The following SKAP2 variants were observed in gnomAD, a reference collection of about 807,000 sequenced individuals.
SKAP2 encodes the protein src kinase-associated phosphoprotein 2.
A neutral mutation model predicts 54.9 loss-of-function variants in SKAP2; 28 were observed. That is an observed-to-expected ratio of 0.51 (90% CI 0.38 to 0.70). The LOEUF is 0.70. Among genes scored for constraint, SKAP2 ranks in the 30% least tolerant of loss-of-function variants. The pLI, the probability that SKAP2 is intolerant of heterozygous loss-of-function variation, is 0.00. For missense variants in SKAP2, 356 were observed against 424.1 expected, an observed-to-expected ratio of 0.84 and a Z score of 1.41; for synonymous variants, 137 against 134.3, an observed-to-expected ratio of 1.02 and a Z score of -0.14.
the SKAP2 span, among the ~76,000 whole-genome samples, chr7:26,655,745 C>T: frequency 6.6e-6 from 1 of 152,162 alleles, no homozygotes; most frequent in Non-Finnish European, 1.5e-5. Flanking sequence ...TGCAATAAAA[C>T]GTAGAGCATG....
At chr7:26,791,349 AT>A (rs910571631) in intron 4 of SKAP2, among the ~76,000 whole-genome samples, 9 of 149,834 alleles carry the variant, frequency 6.0e-5, no homozygotes, top group African/African-American at 2.2e-4. Context: ...AATTTTTTCT[AT>A]TTTTTTTTAA....
intron 4 of SKAP2, among the ~76,000 whole-genome samples, chr7:26,803,622 ATG>A (rs1783960421): frequency 6.6e-6 from 1 of 152,224 alleles, no homozygotes. Context: ...TGCTGGATAT[ATG>A]CCCAAAAGAA....
intron 6 of SKAP2, among the ~76,000 whole-genome samples, chr7:26,730,071 T>A (rs991333741): frequency 1.3e-5 from 2 of 152,106 alleles, no homozygotes; most frequent in African/African-American, 4.8e-5. Flanking sequence ...ACCATAACCA[T>A]GAAGTAGCCA....
chr7:26,743,350 CG>C (rs576675887), intron 4 of SKAP2, among the ~76,000 whole-genome samples: 106 of 152,164 alleles, frequency 7.0e-4, no homozygotes, highest in African/African-American at 2.5e-3. Context: ...CTAATGTAAA[CG>C]TAAGACTATG....
chr7:26,704,846 C>A (rs1787123226), intron 9 of SKAP2, among the ~76,000 whole-genome samples: 2 of 152,206 alleles, frequency 1.3e-5, no homozygotes, highest in African/African-American at 2.4e-5. Context: ...AAAACCAACA[C>A]ACTTGCTCAG....
intron 4 of SKAP2, among the ~76,000 whole-genome samples, chr7:26,820,845 C>G (rs146514849): frequency 6.6e-6 from 1 of 152,096 alleles, no homozygotes; most frequent in Non-Finnish European, 1.5e-5. Flanking sequence ...AAAATCAAGT[C>G]AATTATTCCA....
At chr7:26,678,011 G>A (rs1193757363) in intron 11 of SKAP2, among the ~76,000 whole-genome samples, 2 of 152,190 alleles carry the variant, frequency 1.3e-5, no homozygotes, top group African/African-American at 2.4e-5. Context: ...AAAGTAGAAA[G>A]AGAAAAGGCT....
intron 3 of SKAP2, among the ~76,000 whole-genome samples, chr7:26,847,312 C>T (rs1384205777): frequency 6.6e-6 from 1 of 151,962 alleles, no homozygotes; most frequent in Non-Finnish European, 1.5e-5. Context: ...TTCATCTTAC[C>T]ATTGTTCCAG....
downstream of SKAP2, among the ~76,000 whole-genome samples, chr7:26,663,128 T>C (rs1045709075): frequency 6.6e-6 from 1 of 152,106 alleles, no homozygotes; most frequent in African/African-American, 2.4e-5. Flanking sequence ...ATGTTCTGAA[T>C]AGTAGGCATG....
intron 11 of SKAP2, among the ~76,000 whole-genome samples, chr7:26,680,923 A>G (rs762082911): frequency 6.6e-6 from 1 of 152,034 alleles, no homozygotes; most frequent in Non-Finnish European, 1.5e-5. Context: ...GATTTGCACC[A>G]GAAGAAAAAA....
In SKAP2 at chr7:26,777,687, A is replaced by G. The variant is rs1006210148; in HGVS notation, c.308-37723T>C. Reference sequence around the variant, plus strand: ...CAGCTGCTCCTTGTTTTACATACATAAACAGAAGAATACCAAATAATGATG... The same window carrying G: ...CAGCTGCTCCTTGTTTTACATACATGAACAGAAGAATACCAAATAATGATG... On this transcript the variant is annotated intron_variant, in intron 4 of 12. Coordinates refer to ENST00000345317, the MANE Select transcript of SKAP2 (RefSeq NM_003930.5). 5.3e-5 allele frequency among the ~76,000 whole-genome samples: 8 copies of G among 152,278 alleles called. No individual in the cohort carries two copies. The South Asian group carries it at 8.3e-4, about 16-fold the overall frequency.
At chr7:26,770,921 T>TAC (rs1783175715) in intron 4 of SKAP2, among the ~76,000 whole-genome samples, 1 of 152,112 alleles carries the variant, frequency 6.6e-6, no homozygotes, top group African/African-American at 2.4e-5. Context: ...CTGGGAATCC[T>TAC]ACTACATAAC....
Position 26,781,756 on chromosome 7 carries a change from C to T in SKAP2, c.308-41792G>A, listed in dbSNP as rs576616967. ...TCTGACCTCCTAAGGATTGCCATCA[C>T]TTCTGTCTTGGTTAGCACCTCCACC... On this transcript the variant is annotated intron_variant, in intron 4 of 12. Coordinates refer to ENST00000345317, the MANE Select transcript of SKAP2 (RefSeq NM_003930.5). Among the ~76,000 whole-genome samples, 643 of 152,312 alleles carry T rather than the reference C, an allele frequency of 4.2e-3. 1 individual carries two copies. Among genetic ancestry groups the T allele is most frequent in the Non-Finnish European group, 6.1e-3 (417 of 68,020 alleles).
intron 3 of SKAP2, among the ~76,000 whole-genome samples, chr7:26,850,826 C>T (rs1301441271): frequency 1.3e-5 from 2 of 151,944 alleles, no homozygotes; most frequent in East Asian, 1.9e-4. Context: ...TATTCTAAAG[C>T]GGCAATTTGT....
intron 2 of SKAP2, 112 bp from the exon 3 acceptor site, chr7:26,854,274 C>A: frequency 1.7e-6 from 1 of 585,004 alleles, no homozygotes. Flanking sequence ...CCTAGATATA[C>A]ATTAGAAAAA....
At chr7:26,760,918 T>C (rs897387778) in intron 4 of SKAP2, among the ~76,000 whole-genome samples, 3 of 152,138 alleles carry the variant, frequency 2.0e-5, no homozygotes, top group Non-Finnish European at 4.4e-5. Flanking sequence ...TAGTCAGTAG[T>C]ATAAGTTGCT....
chr7:26,684,636 T>G, intron 11 of SKAP2, 100 bp downstream of exon 11: 1 of 674,162 alleles, frequency 1.5e-6, no homozygotes, highest in Non-Finnish European at 2.6e-6. Context: ...CCTAGAAGAA[T>G]TCCAATTGGC....
At position 26,854,820 on chromosome 7, in the gene SKAP2, TTC is replaced by T. The variant is rs1785126560; in HGVS notation, c.136_137del (p.Glu46IlefsTer4). 1.9e-6 allele frequency: 3 copies of T among 1,601,842 alleles called. No homozygotes were observed. Among genetic ancestry groups the T allele is most frequent in the Non-Finnish European group, 2.6e-6 (3 of 1,171,992 alleles). On this transcript the variant is annotated frameshift_variant, in exon 2 of 13. Coordinates refer to ENST00000345317, the MANE Select transcript of SKAP2 (RefSeq NM_003930.5). LOFTEE classifies it high-confidence loss of function. ...NLSKKAKEKR[E>X]SLIKKIKDVK... ...CATCTTTTATCTTCTTAATAAGGGATTCTCTCTTTTCCTTTGCTTTCTTGGAT... is the reference window on the plus strand; with the variant it reads ...CATCTTTTATCTTCTTAATAAGGGATTCTCTTTTCCTTTGCTTTCTTGGAT...
chr7:26,857,324 A>T (rs937007950), intron 1 of SKAP2: 1 of 252,548 alleles, frequency 4.0e-6, no homozygotes, highest in Admixed American at 6.6e-5. Context: ...AAAAAAAAAA[A>T]AAAAAAAAAA....
Sources: gnomAD v4.1 joint callset for allele counts (sites outside exome capture counted in the v4.1 genomes callset) on GRCh38, gnomAD v4.1.1 for gene constraint, MANE v1.5 for transcripts, NCBI Gene and HGNC (gene_info 2026-07-23, HGNC 2026-07-21) for gene names.